Variants in PALLD observed in about 807,000 individuals in gnomAD.
The protein encoded by PALLD is palladin, cytoskeletal associated protein.
PALLD carries 61 observed loss-of-function variants against 123.5 expected under a neutral mutation model. That is an observed-to-expected ratio of 0.49 (90% CI 0.40 to 0.61). The LOEUF is 0.61. PALLD is among the 20% of genes least tolerant of loss of function. The pLI is 0.00. For missense variants in PALLD, 1,273 were observed against 1,377.0 expected, an observed-to-expected ratio of 0.92 and a Z score of 1.20; for synonymous variants, 465 against 496.4, an observed-to-expected ratio of 0.94 and a Z score of 0.84.
At chr4:168,776,883 G>A (rs1735235381) in intron 10 of PALLD, among the ~76,000 whole-genome samples, 1 of 152,050 alleles carries the variant, frequency 6.6e-6, no homozygotes, top group Admixed American at 6.6e-5. Flanking sequence ...ATCATATTTA[G>A]TTTTTTTATG....
intron 10 of PALLD, among the ~76,000 whole-genome samples, chr4:168,718,297 G>C (rs964888554): frequency 6.6e-6 from 1 of 152,036 alleles, no homozygotes. Flanking sequence ...GAAAAGCAAA[G>C]CAAAATAAAA....
intron 3 of PALLD, among the ~76,000 whole-genome samples, chr4:168,679,811 T>C (rs938384359): frequency 1.3e-5 from 2 of 151,984 alleles, no homozygotes; most frequent in African/African-American, 4.8e-5. Context: ...TAGGAAAATC[T>C]AGCCGACACA....
chr4:168,667,522 A>T (rs756479449), intron 2 of PALLD, among the ~76,000 whole-genome samples: 1 of 152,180 alleles, frequency 6.6e-6, no homozygotes, highest in Non-Finnish European at 1.5e-5. Flanking sequence ...ACCTGTGTTC[A>T]AACAGTCTGG....
intron 10 of PALLD, among the ~76,000 whole-genome samples, chr4:168,872,674 A>G (rs921122163): frequency 6.6e-6 from 1 of 152,064 alleles, no homozygotes; most frequent in African/African-American, 2.4e-5. Context: ...TCTTTTATTA[A>G]TCCTTACTGT....
intron 2 of PALLD, among the ~76,000 whole-genome samples, chr4:168,538,568 C>T (rs1003141658): frequency 1.4e-4 from 21 of 152,064 alleles, no homozygotes; most frequent in Admixed American, 5.2e-4. Context: ...ATTATACCTG[C>T]GCTCATTCTG....
At chr4:168,611,317 G>A (rs1286392147) in intron 2 of PALLD, among the ~76,000 whole-genome samples, 4 of 152,176 alleles carry the variant, frequency 2.6e-5, no homozygotes, top group Non-Finnish European at 5.9e-5. Flanking sequence ...TTGCGGTGAA[G>A]TCTAAGCTTG....
At chr4:168,735,382 C>T (rs1787640741) in intron 10 of PALLD, among the ~76,000 whole-genome samples, 2 of 152,190 alleles carry the variant, frequency 1.3e-5, no homozygotes, top group African/African-American at 2.4e-5. Flanking sequence ...ATTTAGAATA[C>T]GTCCTTCACT....
intron 2 of PALLD, among the ~76,000 whole-genome samples, chr4:168,587,929 G>A (rs1027745815): frequency 2.6e-5 from 4 of 152,080 alleles, no homozygotes; most frequent in Non-Finnish European, 4.4e-5. Flanking sequence ...AGGGGAAGTG[G>A]ACAGGAGATG....
intron 10 of PALLD, among the ~76,000 whole-genome samples, chr4:168,782,730 G>GA (rs1259279575): frequency 6.6e-6 from 1 of 151,618 alleles, no homozygotes; most frequent in African/African-American, 2.4e-5. Flanking sequence ...CCAACATGGT[G>GA]AAATCCTGTC....
chr4:168,688,299 T>C (rs1372390202), intron 6 of PALLD, among the ~76,000 whole-genome samples: 1 of 152,236 alleles, frequency 6.6e-6, no homozygotes, highest in Admixed American at 6.5e-5. Flanking sequence ...TTTCTCATGC[T>C]ACTCTGGAAG....
At chr4:168,554,535 C>T (rs1767074036) in intron 2 of PALLD, among the ~76,000 whole-genome samples, 1 of 152,156 alleles carries the variant, frequency 6.6e-6, no homozygotes, top group South Asian at 2.1e-4. Context: ...ATGCATGTTA[C>T]CTGTATTTTT....
intron 10 of PALLD, among the ~76,000 whole-genome samples, chr4:168,882,606 A>C (rs1752762087): frequency 6.6e-6 from 1 of 152,118 alleles, no homozygotes. Context: ...CAGGAAACAG[A>C]TAGTGGGGGG....
At chr4:168,783,434 C>T (rs561429019) in intron 10 of PALLD, among the ~76,000 whole-genome samples, 2 of 152,020 alleles carry the variant, frequency 1.3e-5, no homozygotes, top group Admixed American at 6.5e-5. Flanking sequence ...TGAGGGCCAG[C>T]GCATATTTCT....
In PALLD at chr4:168,926,438, C is replaced by CATATTCCTTTGTCACATTA; in HGVS notation, c.*259_*277dup. On this transcript the variant is annotated 3_prime_UTR_variant, in exon 22 of 22. Transcript: ENST00000505667. ...CTGAAACAGCCATTGCCTTGACCAACATATTCCTTTGTCACATTATGTAAA... is the reference window on the plus strand; with the variant it reads ...CTGAAACAGCCATTGCCTTGACCAACATATTCCTTTGTCACATTAATATTCCTTTGTCACATTATGTAAA... The CATATTCCTTTGTCACATTA allele has an allele frequency of 7.8e-7, 1 of 1,286,218 alleles. No homozygotes were observed. The highest frequency in any genetic ancestry group is 1.1e-6 in the Non-Finnish European group (1 of 920,092). 79.7% of individuals were successfully genotyped at this position (1,286,218 alleles called of 1,614,324 possible). A position where few individuals can be genotyped will look rare whatever the true frequency, so the allele number is the denominator to read the frequency against.
chr4:168,525,972 T>G (rs1764005125), intron 2 of PALLD, among the ~76,000 whole-genome samples: 1 of 152,208 alleles, frequency 6.6e-6, no homozygotes, highest in African/African-American at 2.4e-5. Flanking sequence ...ATTTTAAAAT[T>G]TTATACTGAT....
chr4:168,910,689 T>A (rs1305497070), intron 15 of PALLD, among the ~76,000 whole-genome samples: 1 of 152,184 alleles, frequency 6.6e-6, no homozygotes, highest in Non-Finnish European at 1.5e-5. Context: ...GGCCTTGTTT[T>A]ACAGAGAAGG....
intron 2 of PALLD, among the ~76,000 whole-genome samples, chr4:168,523,033 A>G (rs1046063029): frequency 6.6e-6 from 1 of 152,212 alleles, no homozygotes; most frequent in African/African-American, 2.4e-5. Flanking sequence ...CACTGTTTAT[A>G]TGATCCACAT....
At chr4:168,671,663 C>A (rs899809582) in intron 3 of PALLD, among the ~76,000 whole-genome samples, 56 of 152,148 alleles carry the variant, frequency 3.7e-4, no homozygotes, top group African/African-American at 1.2e-3. Context: ...GTGTTTTAAT[C>A]CCTAAGAACA....
chr4:168,535,751 C>T (rs1765031006), intron 2 of PALLD, among the ~76,000 whole-genome samples: 1 of 152,136 alleles, frequency 6.6e-6, no homozygotes, highest in African/African-American at 2.4e-5. Context: ...AGAAACTCAG[C>T]AAGTTTAGGC....
Sources: gnomAD v4.1 joint callset for allele counts (sites outside exome capture counted in the v4.1 genomes callset) on GRCh38, gnomAD v4.1.1 for gene constraint, MANE v1.5 for transcripts, NCBI Gene and HGNC (gene_info 2026-07-23, HGNC 2026-07-21) for gene names.